PTPN2: variants seen among roughly 807,000 people sequenced by gnomAD.
PTPN2 encodes the protein tyrosine-protein phosphatase non-receptor type 2.
In PTPN2, 19 loss-of-function variants were observed where a neutral mutation model predicts 57.3. The observed-to-expected ratio is 0.33, with a 90% CI of 0.23 to 0.49. PTPN2 has a LOEUF of 0.49. Among genes scored for constraint, PTPN2 ranks in the 20% least tolerant of loss-of-function variants. The probability of loss-of-function intolerance (pLI) is 0.99; values close to 1 mark genes in which losing one functional copy is unlikely to be tolerated. For synonymous variants in PTPN2, 153 were observed against 164.9 expected, an observed-to-expected ratio of 0.93 and a Z score of 0.55; for missense variants, 358 against 501.1, an observed-to-expected ratio of 0.71 and a Z score of 2.73.
At chr18:12,880,294 G>C (rs2044626111) in intron 1 of PTPN2, among the ~76,000 whole-genome samples, 2 of 152,200 alleles carry the variant, frequency 1.3e-5, no homozygotes, top group Admixed American at 1.3e-4. Flanking sequence ...AGTGATAGGG[G>C]AAATCAAGCA....
intron 2 of PTPN2, among the ~76,000 whole-genome samples, chr18:12,856,797 T>C (rs1023747607): frequency 6.6e-6 from 1 of 152,082 alleles, no homozygotes; most frequent in African/African-American, 2.4e-5. Context: ...TGGTGGCTCA[T>C]GACTGTAATC....
Position 12,825,989 on chromosome 18 carries a change from A to C in PTPN2, c.361-45T>G, listed in dbSNP as rs534041488. 5 of 1,464,522 alleles carry C rather than the reference A, an allele frequency of 3.4e-6. No homozygotes were observed. In the African/African-American group the frequency reaches 7.1e-5, roughly 21 times the overall value. The allele number at this position is 1,464,522 out of a possible 1,614,324, so 90.7% of individuals were successfully genotyped here. On this transcript the variant is annotated intron_variant, in intron 4 of 8. Coordinates refer to ENST00000309660, the MANE Select transcript of PTPN2 (RefSeq NM_002828.4). The stretch of plus-strand genomic sequence containing the variant: ...TATGATTTTTTTTTAGTTTATAGAC[A>C]TCATGAAACCATAAAGTTAAAAAAT...
chr18:12,816,431 C>T (rs2042076557), intron 6 of PTPN2, among the ~76,000 whole-genome samples: 1 of 152,130 alleles, frequency 6.6e-6, no homozygotes, highest in Non-Finnish European at 1.5e-5. Flanking sequence ...GAGTAGATGG[C>T]ATGGAAATCA....
downstream of PTPN2, among the ~76,000 whole-genome samples, chr18:12,789,821 AT>A (rs773386689): frequency 6.6e-6 from 1 of 151,956 alleles, no homozygotes; most frequent in Non-Finnish European, 1.5e-5. Flanking sequence ...AATCTTTAAA[AT>A]ATCTTTATTT....
chr18:12,802,118 A>G lies in PTPN2; in HGVS notation c.892T>C (p.Ser298Pro), dbSNP rs200711300. The change falls in exon 8 of 9, where the codon TCT becomes CCT. Residue 298 changes from serine (S) to proline (P), a missense_variant. By Grantham distance (74) the Ser-to-Pro change is moderately conservative (BLOSUM62 -1). This residue lies in a region of PTPN2 where 193 missense variants were observed against 315.4 expected (regional missense o/e 0.61). Coordinates refer to ENST00000309660, the MANE Select transcript of PTPN2 (RefSeq NM_002828.4). Reference protein sequence around the residue: ...RWKELSKEDLSPAFDHSPNKI... With the variant: ...RWKELSKEDLPPAFDHSPNKI... ...TTTGGTGAATGATCAAAGGCAGGAGATAAGTCTTCCTTAGAAAGTTCTTTC... is the reference window on the plus strand; with the variant it reads ...TTTGGTGAATGATCAAAGGCAGGAGGTAAGTCTTCCTTAGAAAGTTCTTTC... 24 of 1,610,722 alleles carry G rather than the reference A, an allele frequency of 1.5e-5. No homozygotes were observed. The highest frequency in any genetic ancestry group is 2.7e-5 in the African/African-American group (2 of 74,840).
At chr18:12,817,039 G>A in intron 6 of PTPN2, 117 bp downstream of exon 6, 2 of 993,062 alleles carry the variant, frequency 2.0e-6, no homozygotes, top group South Asian at 1.6e-5. Flanking sequence ...AAAAGTAGAA[G>A]TTTAAGTTGA....
At chr18:12,787,392 T>C (rs2040869627), downstream of PTPN2, 1 of 152,206 alleles carries the variant, frequency 6.6e-6, no homozygotes, top group Non-Finnish European at 1.5e-5. Flanking sequence ...TTTGACTCAG[T>C]TTTCTCATCT....
At chr18:12,884,032 T>C in intron 1 of PTPN2, 41 bp downstream of exon 1, 1 of 1,527,568 alleles carries the variant, frequency 6.5e-7, no homozygotes, top group Non-Finnish European at 8.8e-7. Flanking sequence ...AGTCCGGGTC[T>C]CGGAGGAGGT....
chr18:12,805,514 T>C (rs1430355097), intron 7 of PTPN2, among the ~76,000 whole-genome samples: 2 of 151,924 alleles, frequency 1.3e-5, no homozygotes, highest in Non-Finnish European at 2.9e-5. Flanking sequence ...AAATTAAGTA[T>C]GGAGGAAATT....
intron 2 of PTPN2, among the ~76,000 whole-genome samples, chr18:12,858,156 CAGG>C (rs2043658641): frequency 6.6e-6 from 1 of 152,118 alleles, no homozygotes; most frequent in African/African-American, 2.4e-5. Context: ...TCAACCTACA[CAGG>C]AGATCTTAGC....
At chr18:12,870,273 GTATA>G (rs1555679401) in intron 1 of PTPN2, among the ~76,000 whole-genome samples, 1 of 81,752 alleles carries the variant, frequency 1.2e-5, no homozygotes, top group African/African-American at 7.0e-5. Context: ...ATATATATAT[GTATA>G]TATATACATA....
intron 6 of PTPN2, among the ~76,000 whole-genome samples, chr18:12,814,645 A>G (rs997549839): frequency 1.3e-5 from 2 of 152,180 alleles, no homozygotes; most frequent in African/African-American, 4.8e-5. Flanking sequence ...TCATTGGTTA[A>G]AGGAAGGATT....
downstream of PTPN2, among the ~76,000 whole-genome samples, chr18:12,790,943 C>A (rs75411659): frequency 1.3e-5 from 2 of 151,948 alleles, no homozygotes; most frequent in African/African-American, 4.8e-5. Flanking sequence ...GACCAAAAGA[C>A]AGAAAACCTC....
intron 2 of PTPN2, among the ~76,000 whole-genome samples, chr18:12,848,346 G>GA (rs1295469934): frequency 6.6e-6 from 1 of 152,184 alleles, no homozygotes; most frequent in Non-Finnish European, 1.5e-5. Context: ...CTATAGTGGT[G>GA]ATGGTTTTAA....
chr18:12,844,408 T>A (rs1200812038), intron 2 of PTPN2, among the ~76,000 whole-genome samples: 1 of 152,224 alleles, frequency 6.6e-6, no homozygotes, highest in Non-Finnish European at 1.5e-5. Flanking sequence ...ACCACCCATA[T>A]ATGAGATCCA....
At chr18:12,787,442 C>T (rs761612193), downstream of PTPN2, 4 of 152,088 alleles carry the variant, frequency 2.6e-5, no homozygotes, top group African/African-American at 7.2e-5. Flanking sequence ...AGAGGTGTTA[C>T]GTGGGTTAAA....
intron 2 of PTPN2, among the ~76,000 whole-genome samples, chr18:12,837,132 T>C (rs536390957): frequency 9.8e-5 from 15 of 152,296 alleles, no homozygotes; most frequent in East Asian, 1.9e-4. Flanking sequence ...ACATTAGCCA[T>C]TGTGACTTGA....
intron 2 of PTPN2, among the ~76,000 whole-genome samples, chr18:12,858,138 G>A (rs1407006201): frequency 4.6e-5 from 7 of 152,096 alleles, no homozygotes; most frequent in Non-Finnish European, 1.0e-4. Context: ...CTTGAACAGT[G>A]AAATGGTTCA....
In PTPN2 at chr18:12,817,349, G is replaced by T. The variant is rs78174797; in HGVS notation, c.512C>A (p.Thr171Lys). The T allele has an allele frequency of 2.6e-3, 4,144 of 1,613,352 alleles. 95 individuals are homozygous for T. In the African/African-American group the frequency reaches 0.049, roughly 19 times the overall value. The change falls in exon 6 of 9, where the codon ACA becomes AAA. Residue 171 changes from threonine (T) to lysine (K), a missense_variant. Physicochemically the swap from Thr to Lys is moderately conservative, Grantham distance 78. This residue lies in a region of PTPN2 where 193 missense variants were observed against 315.4 expected (regional missense o/e 0.61). Coordinates refer to ENST00000309660, the MANE Select transcript of PTPN2 (RefSeq NM_002828.4). Reference protein sequence around the residue: ...LENINSGETRTISHFHYTTWP... With the variant: ...LENINSGETRKISHFHYTTWP... ...GGTAGTATAATGAAAGTGAGATATTGTTCTGGTTTCACCACTCTAAAAAGT... is the reference window on the plus strand; with the variant it reads ...GGTAGTATAATGAAAGTGAGATATTTTTCTGGTTTCACCACTCTAAAAAGT...
Sources: gnomAD v4.1 joint callset for allele counts (sites outside exome capture counted in the v4.1 genomes callset) on GRCh38, gnomAD v4.1.1 for gene constraint, gnomAD v4.1.1 regional missense constraint, MANE v1.5 for transcripts, NCBI Gene and HGNC (gene_info 2026-07-23, HGNC 2026-07-21) for gene names.